NPAS2: variants seen among roughly 807,000 people sequenced by gnomAD.
NPAS2 encodes neuronal PAS domain protein 2, also known as neuronal PAS domain-containing protein 2.
Under a neutral mutation model 107.5 loss-of-function variants are expected in NPAS2, and 23 were observed. The ratio of observed to expected loss-of-function variants is 0.21; its 90% CI spans 0.15 to 0.30. The LOEUF (loss-of-function observed/expected upper bound fraction) is 0.30, where lower values mean the gene tolerates loss of function less well. Ranked by LOEUF, NPAS2 falls within the 10% of genes least tolerant of loss-of-function variation. The pLI is 1.00. For synonymous variants in NPAS2, 403 were observed against 417.5 expected (o/e 0.97, Z 0.42); for missense variants, 756 against 1,043.3 (o/e 0.72, Z 3.79).
chr2:100,824,085 C>A (rs1008701933), intron 1 of NPAS2, among the ~76,000 whole-genome samples: 1 of 152,158 alleles, frequency 6.6e-6, no homozygotes, highest in Admixed American at 6.5e-5. Flanking sequence ...TTAGGCCTAA[C>A]AAAAGTGATT....
At chr2:100,856,245 T>C (rs1678547511) in intron 1 of NPAS2, among the ~76,000 whole-genome samples, 1 of 152,242 alleles carries the variant, frequency 6.6e-6, no homozygotes, top group South Asian at 2.1e-4. Flanking sequence ...GATTTAAGTG[T>C]CACGTGTTTA....
At position 100,949,589 on chromosome 2, in the gene NPAS2, A is replaced by G. The variant is rs1573697912; in HGVS notation, c.598+109A>G. 7.5e-6 allele frequency: 5 copies of G among 664,200 alleles called. No homozygotes were observed. In the East Asian group the frequency reaches 1.4e-4, roughly 18 times the overall value. 41.1% of individuals were successfully genotyped at this position (664,200 alleles called of 1,614,324 possible). On this transcript the variant is annotated intron_variant, in intron 7 of 20. Coordinates refer to ENST00000335681, the MANE Select transcript of NPAS2 (RefSeq NM_002518.4). ...GGAGGAGGGAGAACGCGTGCTTTTC[A>G]CATTTGCATTTGAATTTTCGAGTTC... is the stretch of plus-strand genomic sequence containing the variant.
At chr2:100,957,678 G>A (rs1675650821) in intron 7 of NPAS2, among the ~76,000 whole-genome samples, 1 of 152,228 alleles carries the variant, frequency 6.6e-6, no homozygotes. Flanking sequence ...TGTAATCCCA[G>A]CACTTTGGGA....
intron 2 of NPAS2, among the ~76,000 whole-genome samples, chr2:100,916,297 A>C (rs1190608391): frequency 6.6e-6 from 1 of 152,200 alleles, no homozygotes; most frequent in South Asian, 2.1e-4. Flanking sequence ...TAAAAAACAG[A>C]TTTTGTTCCA....
intron 1 of NPAS2, among the ~76,000 whole-genome samples, chr2:100,894,802 T>C (rs1269123345): frequency 6.6e-6 from 1 of 152,146 alleles, no homozygotes; most frequent in Non-Finnish European, 1.5e-5. Context: ...TGGGTGCTGA[T>C]CACAAGCGAC....
intron 1 of NPAS2, among the ~76,000 whole-genome samples, chr2:100,880,330 C>T (rs1351795412): frequency 6.6e-6 from 1 of 152,140 alleles, no homozygotes; most frequent in Non-Finnish European, 1.5e-5. Context: ...AACTTATGAA[C>T]AATGTTCACA....
chr2:100,860,393 G>A (rs573951508), intron 1 of NPAS2, among the ~76,000 whole-genome samples: 18 of 152,270 alleles, frequency 1.2e-4, no homozygotes, highest in South Asian at 4.2e-4. Context: ...TGATTAAGGC[G>A]GTATCTGCCA....
At chr2:100,858,942 A>C (rs557604039) in intron 1 of NPAS2, among the ~76,000 whole-genome samples, 1 of 152,310 alleles carries the variant, frequency 6.6e-6, no homozygotes, top group Non-Finnish European at 1.5e-5. Flanking sequence ...CGCCTCAAGA[A>C]TATAAGTTGT....
At chr2:100,907,294 C>G (rs1252118411) in intron 2 of NPAS2, among the ~76,000 whole-genome samples, 1 of 152,016 alleles carries the variant, frequency 6.6e-6, no homozygotes, top group Non-Finnish European at 1.5e-5. Flanking sequence ...CATTCATTCC[C>G]CTCCCCATTT....
At chr2:100,900,258 A>C (rs1206994556) in intron 1 of NPAS2, among the ~76,000 whole-genome samples, 2 of 152,224 alleles carry the variant, frequency 1.3e-5, no homozygotes, top group African/African-American at 4.8e-5. Context: ...GATGAAGACT[A>C]ACAGTCCAAT....
chr2:100,861,316 GA>G (rs1473558692), intron 1 of NPAS2, among the ~76,000 whole-genome samples: 1 of 152,152 alleles, frequency 6.6e-6, no homozygotes, highest in East Asian at 1.9e-4. Context: ...AGAACACTTG[GA>G]AAACTTTAGG....
At chr2:100,955,535 A>T (rs1675516663) in intron 7 of NPAS2, among the ~76,000 whole-genome samples, 1 of 152,090 alleles carries the variant, frequency 6.6e-6, no homozygotes, top group Non-Finnish European at 1.5e-5. Context: ...GCTCCACAAT[A>T]CACTCTGGGG....
At chr2:100,884,484 T>G (rs888057197) in intron 1 of NPAS2, among the ~76,000 whole-genome samples, 4 of 152,236 alleles carry the variant, frequency 2.6e-5, no homozygotes, top group Admixed American at 2.6e-4. Context: ...CTTGAATAAG[T>G]ATCCCTTGTC....
At chr2:100,982,421 G>T in intron 16 of NPAS2, 44 bp downstream of exon 16, 4 of 1,602,706 alleles carry the variant, frequency 2.5e-6, no homozygotes, top group Non-Finnish European at 3.4e-6. Context: ...CTGCTGTGTG[G>T]GAAGGGGTCC....
rs1381580169 is a variant in NPAS2, at chr2:100,820,727, G to A, written c.-23+313G>A. Among the ~76,000 whole-genome samples the A allele has an allele frequency of 1.3e-5, 2 of 152,166 alleles. No individual in the cohort carries two copies. The highest frequency in any genetic ancestry group is 2.9e-5 in the Non-Finnish European group (2 of 68,010). The stretch of plus-strand genomic sequence containing the variant: ...GAGCCTCGGAATTTGGGGGTCCTCG[G>A]GGTGTCCGACAGGGTGGAGAAGGAT... On this transcript the variant is annotated intron_variant, in intron 1 of 20. Transcript: ENST00000335681. The surrounding 1 kb of genome is among the most constrained non-coding windows in gnomAD (Gnocchi z 5.6).
At chr2:100,871,783 A>G (rs930784528) in intron 1 of NPAS2, among the ~76,000 whole-genome samples, 1 of 151,996 alleles carries the variant, frequency 6.6e-6, no homozygotes, top group African/African-American at 2.4e-5. Flanking sequence ...GCCCTTTGAA[A>G]CACTAGAAAT....
intron 1 of NPAS2, among the ~76,000 whole-genome samples, chr2:100,902,118 C>T (rs548583612): frequency 6.6e-5 from 10 of 152,210 alleles, no homozygotes; most frequent in African/African-American, 1.4e-4. Context: ...AAACTTTATA[C>T]GGTTGAGAAG....
rs1254123690 is a variant in NPAS2, at chr2:100,995,661, G to A, written c.*79G>A. 3 of 1,555,206 alleles carry A rather than the reference G, an allele frequency of 1.9e-6. No individual in the cohort carries two copies. Among genetic ancestry groups the A allele is most frequent in the East Asian group, 4.8e-5 (2 of 41,798 alleles). ...GTGGCCACAGGAGATGGGGAGAGGAGTCTGAACTAAACCCCTGGCTTTTGT... is the reference window on the plus strand; with the variant it reads ...GTGGCCACAGGAGATGGGGAGAGGAATCTGAACTAAACCCCTGGCTTTTGT... On this transcript the variant is annotated 3_prime_UTR_variant, in exon 21 of 21. Coordinates refer to ENST00000335681, the MANE Select transcript of NPAS2 (RefSeq NM_002518.4).
chr2:100,837,669 G>C, intron 1 of NPAS2, among the ~76,000 whole-genome samples: 1 of 152,130 alleles, frequency 6.6e-6, no homozygotes, highest in East Asian at 1.9e-4. Context: ...GTCCTGTTTT[G>C]ATAACTACCT....
Sources: gnomAD v4.1 joint callset for allele counts (sites outside exome capture counted in the v4.1 genomes callset) on GRCh38, gnomAD v4.1.1 for gene constraint, Gnocchi (gnomAD v3.1) non-coding constraint, MANE v1.5 for transcripts, NCBI Gene and HGNC (gene_info 2026-07-23, HGNC 2026-07-21) for gene names.